TRIM29: variants seen among roughly 807,000 people sequenced by gnomAD.
The protein encoded by TRIM29 is tripartite motif-containing protein 29.
Under a neutral mutation model 57.3 loss-of-function variants are expected in TRIM29, and 52 were observed. The ratio of observed to expected loss-of-function variants is 0.91; its 90% confidence interval spans 0.73 to 1.14. The LOEUF (loss-of-function observed/expected upper bound fraction) is 1.14, where lower values mean the gene tolerates loss of function less well. TRIM29 is among the 50% of genes most tolerant of loss of function. The pLI is 0.00. For missense variants in TRIM29, 753 were observed against 774.6 expected, an observed-to-expected ratio of 0.97 and a Z score of 0.33; for synonymous variants, 319 against 316.9, an observed-to-expected ratio of 1.01 and a Z score of -0.07.
intron 1 of TRIM29, 111 bp from the exon 2 acceptor site, chr11:120,128,606 C>T (rs978677614): frequency 2.0e-5 from 30 of 1,506,508 alleles, no homozygotes; most frequent in Non-Finnish European, 2.6e-5. Flanking sequence ...GGGCTCATCA[C>T]TCATCTATTC....
rs1863145682 is a variant in TRIM29 at position 120,111,983 on chromosome 11, G to A, written c.*431C>T. ...TGGCTGTGCTGTCCAGGCATCTGCT[G>A]ACAACATTGGGGGATAGGGCCTTGG... On this transcript the variant is annotated 3_prime_UTR_variant, in exon 9 of 9. Transcript: ENST00000341846. 1 of 204,128 alleles carries A rather than the reference G, an allele frequency of 4.9e-6. No individual in the cohort carries two copies. Among genetic ancestry groups the A allele is most frequent in the African/African-American group, 2.4e-5 (1 of 41,794 alleles). The allele number at this position is 204,128 out of a possible 1,614,324, so 12.6% of individuals were successfully genotyped here.
chr11:120,120,414 C>A (rs1263290452), intron 6 of TRIM29, among the ~76,000 whole-genome samples, 159 bp downstream of exon 6: 1 of 151,042 alleles, frequency 6.6e-6, no homozygotes, highest in Non-Finnish European at 1.5e-5. Flanking sequence ...TAGGTAGGAC[C>A]CCTCCCTACC....
In TRIM29 at chr11:120,120,606, G is replaced by A; in HGVS notation, c.1495C>T (p.Gln499Ter). The A allele has an allele frequency of 6.2e-7, 1 of 1,613,658 alleles. No homozygotes were observed. ...SPGRFTKETT[Q>*]KNFNNLYGTK... is the part of the protein sequence containing the mutation. ...CCATAGAGATTGTTGAAATTCTTCT[G>A]GGTGGTCTCCTTGGTGAAGCGGCCA... Residue 499 changes from glutamine to a stop codon, truncating the protein, a stop_gained, in exon 6 of 9, where the codon CAG becomes TAG. Transcript: ENST00000341846. LOFTEE classifies it high-confidence loss of function.
intron 4 of TRIM29, chr11:120,123,297 A>G (rs1565316212): frequency 1.5e-6 from 1 of 672,680 alleles, no homozygotes. Flanking sequence ...GCCCTTGTAA[A>G]TACGATTGTG....
chr11:120,113,247 G>C (rs1029996968), intron 8 of TRIM29, among the ~76,000 whole-genome samples: 1 of 152,190 alleles, frequency 6.6e-6, no homozygotes, highest in Non-Finnish European at 1.5e-5. Flanking sequence ...TCTGGAGAGA[G>C]AGCCCAGTGA....
intron 2 of TRIM29, 139 bp downstream of exon 2, chr11:120,128,261 G>C: frequency 1.5e-6 from 1 of 677,856 alleles, no homozygotes. Context: ...GAGAATGTCA[G>C]AGGAGGTGGG....
Position 120,137,778 on chromosome 11 carries a change from G to T in TRIM29, c.254C>A (p.Ser85Tyr), listed in dbSNP as rs866521339. ...GTAGTTGGAGTTCTTGTCGTCCCCG[G>T]ACTCGACAAACTGGATGATGGGTCG... ...WRRPIIQFVESGDDKNSNYFS... is the reference protein window; with the variant it reads ...WRRPIIQFVEYGDDKNSNYFS... Residue 85 changes from serine (S) to tyrosine (Y), a missense_variant, in exon 1 of 9, where the codon TCC (serine) becomes TAC (tyrosine). Transcript: ENST00000341846. The surrounding 1 kb of genome is among the most constrained non-coding windows in gnomAD (Gnocchi z 6.2). The T allele has an allele frequency of 3.1e-6, 5 of 1,612,240 alleles. No individual in the cohort carries two copies. The highest frequency in any genetic ancestry group is 4.2e-6 in the Non-Finnish European group (5 of 1,180,014).
At position 120,118,317 on chromosome 11, in the gene TRIM29, G is replaced by A; in HGVS notation, c.1533C>T (p.Asn511=). ...AGTACTCCCAGACCCGGGAGGTGTA[G>A]TTACCTGGCAGGACAAAGAAGGGCT... The part of the protein sequence containing the change: ...NFNNLYGTKG[N]YTSRVWEYSS... The change falls in exon 7 of 9, where the codon AAC becomes AAT. Residue 511 remains asparagine (N), a synonymous_variant. Coordinates refer to ENST00000341846, the MANE Select transcript of TRIM29 (RefSeq NM_012101.4). The A allele has an allele frequency of 6.2e-7, 1 of 1,612,392 alleles. No homozygotes were observed. Among genetic ancestry groups the A allele is most frequent in the Non-Finnish European group, 8.5e-7 (1 of 1,179,090 alleles).
At chr11:120,122,161 T>A (rs942242435) in intron 5 of TRIM29, among the ~76,000 whole-genome samples, 3 of 136,296 alleles carry the variant, frequency 2.2e-5, no homozygotes, top group Non-Finnish European at 5.0e-5. Flanking sequence ...TGTGTGTGTG[T>A]GTGAAAGACG....
chr11:120,125,367 C>T (rs150451430), intron 4 of TRIM29: 52 of 334,686 alleles, frequency 1.6e-4, no homozygotes, highest in Middle Eastern at 1.8e-3. Context: ...GGGCTGGGCC[C>T]GGCAATTAGA....
chr11:120,127,048 TGAGCCCAG>T (rs1863605847), intron 3 of TRIM29, among the ~76,000 whole-genome samples: 2 of 152,232 alleles, frequency 1.3e-5, no homozygotes, highest in Non-Finnish European at 2.9e-5. Context: ...TCTTTCCTAC[TGAGCCCAG>T]AGCACTGCTA....
Position 120,137,377 on chromosome 11 carries a change from C to G in TRIM29, c.655G>C (p.Asp219His). 6.2e-7 allele frequency: 1 copy of G among 1,613,492 alleles called. No homozygotes were observed. The highest frequency in any genetic ancestry group is 8.5e-7 in the Non-Finnish European group (1 of 1,180,022). The change falls in exon 1 of 9, where the codon GAC (aspartate) becomes CAC (histidine). Residue 219 changes from aspartate (D) to histidine (H), a missense_variant. Coordinates refer to ENST00000341846, the MANE Select transcript of TRIM29 (RefSeq NM_012101.4). The surrounding 1 kb of genome is among the most constrained non-coding windows in gnomAD (Gnocchi z 6.2). ...ACGGGACACTTGCGGGCCTCAAAGTCCCGGATGGGCTCGAGCAGCTGGTGG... is the reference window on the plus strand; with the variant it reads ...ACGGGACACTTGCGGGCCTCAAAGTGCCGGATGGGCTCGAGCAGCTGGTGG... ...RDHQLLEPIR[D>H]FEARKCPVHG...
chr11:120,112,343 C>G lies in TRIM29; in HGVS notation c.*71G>C, dbSNP rs1414195609. 6.3e-7 allele frequency: 1 copy of G among 1,585,368 alleles called. No homozygotes were observed. Among genetic ancestry groups the G allele is most frequent in the East Asian group, 2.2e-5 (1 of 44,466 alleles). Reference sequence around the variant, plus strand: ...CCTCCCACCCAGACAAGCACAGTAGCTTAGAAGGCAAGAGCAGCAGGGTCA... The same window carrying G: ...CCTCCCACCCAGACAAGCACAGTAGGTTAGAAGGCAAGAGCAGCAGGGTCA... On this transcript the variant is annotated 3_prime_UTR_variant, in exon 9 of 9. Coordinates refer to ENST00000341846, the MANE Select transcript of TRIM29 (RefSeq NM_012101.4).
In TRIM29 at chr11:120,137,677, C is replaced by T. The variant is rs141425229; in HGVS notation, c.355G>A (p.Val119Ile). The T allele has an allele frequency of 2.0e-4, 330 of 1,613,584 alleles. No homozygotes were observed. In the African/African-American group the frequency reaches 3.8e-3, roughly 19 times the overall value. The change falls in exon 1 of 9, where the codon GTT becomes ATT. Residue 119 changes from valine (V) to isoleucine (I), a missense_variant. Transcript: ENST00000341846. The surrounding 1 kb of genome is among the most constrained non-coding windows in gnomAD (Gnocchi z 6.2). The part of the protein sequence containing the change: ...LQLGAAKKPP[V>I]TFAEKGELRK... Reference sequence around the variant, plus strand: ...AGCTCGCCCTTTTCGGCAAAGGTAACGGGTGGCTTCTTGGCAGCCCCCAGC... The same window carrying T: ...AGCTCGCCCTTTTCGGCAAAGGTAATGGGTGGCTTCTTGGCAGCCCCCAGC...
intron 8 of TRIM29, among the ~76,000 whole-genome samples, chr11:120,113,037 G>C (rs1030627764): frequency 3.9e-5 from 6 of 152,130 alleles, no homozygotes; most frequent in Admixed American, 2.6e-4. Context: ...CACACCCCCA[G>C]CTGCCAGTTC....
chr11:120,129,628 G>A (rs1481214197), intron 1 of TRIM29, among the ~76,000 whole-genome samples: 1 of 152,146 alleles, frequency 6.6e-6, no homozygotes, highest in African/African-American at 2.4e-5. Flanking sequence ...AACACCATGC[G>A]GCACACCTTC....
chr11:120,128,935 G>C (rs992860290), intron 1 of TRIM29: 46 of 1,374,800 alleles, frequency 3.3e-5, no homozygotes, highest in Non-Finnish European at 4.3e-5. Context: ...AGTGTGCAGC[G>C]TTTCTATGGC....
intron 7 of TRIM29, chr11:120,117,832 GC>G: frequency 8.9e-6 from 2 of 223,582 alleles, no homozygotes; most frequent in South Asian, 6.0e-5. Flanking sequence ...GCTGGCAGGT[GC>G]CCCATGGCCA....
intron 1 of TRIM29, among the ~76,000 whole-genome samples, chr11:120,133,152 A>G (rs1471563710): frequency 6.6e-6 from 1 of 152,164 alleles, no homozygotes; most frequent in Non-Finnish European, 1.5e-5. Context: ...AGACCTTTAA[A>G]ATACCTCCTG....
Sources: gnomAD v4.1 joint callset for allele counts (sites outside exome capture counted in the v4.1 genomes callset) on GRCh38, gnomAD v4.1.1 for gene constraint, Gnocchi (gnomAD v3.1) non-coding constraint, MANE v1.5 for transcripts, NCBI Gene and HGNC (gene_info 2026-07-23, HGNC 2026-07-21) for gene names.